The following ARHGAP22 variants were observed in gnomAD, a reference collection of about 807,000 sequenced individuals.
The protein encoded by ARHGAP22 is rho GTPase-activating protein 22.
In ARHGAP22, 48 loss-of-function variants were observed where a neutral mutation model predicts 59.1. The ratio of observed to expected loss-of-function variants is 0.81; its 90% CI spans 0.64 to 1.03. ARHGAP22 has a LOEUF of 1.03. Ranked by LOEUF, ARHGAP22 falls within the 50% of genes least tolerant of loss-of-function variation. The pLI is 0.00. For missense variants in ARHGAP22, 1,015 were observed against 958.7 expected (o/e 1.06, Z -0.78); for synonymous variants, 445 against 416.4 (o/e 1.07, Z -0.84).
At chr10:48,580,803 G>A (rs1174224407) in intron 2 of ARHGAP22, among the ~76,000 whole-genome samples, 1 of 152,130 alleles carries the variant, frequency 6.6e-6, no homozygotes, top group African/African-American at 2.4e-5. Context: ...TGGGCTTGTT[G>A]GCTCAGATTT....
intron 2 of ARHGAP22, among the ~76,000 whole-genome samples, chr10:48,564,555 A>G (rs931702268): frequency 1.3e-5 from 2 of 152,226 alleles, no homozygotes; most frequent in African/African-American, 2.4e-5. Flanking sequence ...AAATTTAAAC[A>G]ACGTTAAAGT....
rs916770898 is a variant in ARHGAP22, at chr10:48,451,384, C to G, written c.989-244G>C. 5 of 713,778 alleles carry G rather than the reference C, an allele frequency of 7.0e-6. No individual in the cohort carries two copies. In the East Asian group the frequency reaches 8.0e-5, roughly 11 times the overall value. The allele number at this position is 713,778 out of a possible 1,614,324, so 44.2% of individuals were successfully genotyped here. A position where few individuals can be genotyped will look rare whatever the true frequency, so the allele number is the denominator to read the frequency against. ...CACAGAGCCGCAAGCAGGGAGGAAG[C>G]ACTGTGCCTGCGCTCACGCCCTCCA... On this transcript the variant is annotated intron_variant, in intron 8 of 9. Coordinates refer to ENST00000249601, the MANE Select transcript of ARHGAP22 (RefSeq NM_021226.4).
the ARHGAP22 span, chr10:48,437,396 T>C: frequency 2.0e-5 from 3 of 152,192 alleles, no homozygotes; most frequent in Admixed American, 6.5e-5. Context: ...TTCTATCAGG[T>C]AGTACTTGTA....
intron 1 of ARHGAP22, among the ~76,000 whole-genome samples, chr10:48,635,500 G>T (rs1397404748): frequency 6.6e-6 from 1 of 152,198 alleles, no homozygotes; most frequent in Non-Finnish European, 1.5e-5. Flanking sequence ...GAAGCCACAG[G>T]GACCCTAAGC....
chr10:48,557,866 G>T (rs1645274095), intron 2 of ARHGAP22, among the ~76,000 whole-genome samples: 1 of 152,210 alleles, frequency 6.6e-6, no homozygotes, highest in African/African-American at 2.4e-5. Flanking sequence ...GGAGCAGAGG[G>T]AGTCTGCTCT....
intron 4 of ARHGAP22, among the ~76,000 whole-genome samples, chr10:48,478,105 G>A (rs2048915686): frequency 6.6e-6 from 1 of 152,102 alleles, no homozygotes. Flanking sequence ...ATACATCAAA[G>A]TCCAACTATG....
intron 4 of ARHGAP22, among the ~76,000 whole-genome samples, chr10:48,462,122 C>T (rs2047191166): frequency 6.6e-6 from 1 of 152,198 alleles, no homozygotes; most frequent in Admixed American, 6.5e-5. Context: ...TGTGTACGCA[C>T]ATGTGTGCAT....
intron 3 of ARHGAP22, among the ~76,000 whole-genome samples, chr10:48,515,915 G>T (rs918555412): frequency 2.0e-5 from 3 of 152,180 alleles, no homozygotes; most frequent in Middle Eastern, 3.4e-3. Flanking sequence ...TCAAAAGGCT[G>T]AGGCAGGAAG....
At chr10:48,483,141 G>A (rs1426271676) in intron 3 of ARHGAP22, among the ~76,000 whole-genome samples, 1 of 151,986 alleles carries the variant, frequency 6.6e-6, no homozygotes, top group Non-Finnish European at 1.5e-5. Flanking sequence ...ATAACATTTT[G>A]TATATATACC....
chr10:48,525,295 G>A (rs1011182183), intron 3 of ARHGAP22, among the ~76,000 whole-genome samples: 5 of 152,182 alleles, frequency 3.3e-5, no homozygotes, highest in African/African-American at 7.2e-5. Flanking sequence ...ATCATCGGCC[G>A]GGCATGGTGG....
chr10:48,560,746 T>C (rs1194002241), intron 2 of ARHGAP22, among the ~76,000 whole-genome samples: 1 of 152,166 alleles, frequency 6.6e-6, no homozygotes, highest in Non-Finnish European at 1.5e-5. Flanking sequence ...TTTTTCTGAA[T>C]CCATGAGATG....
chr10:48,580,932 G>GGA (rs2059074250), intron 2 of ARHGAP22, among the ~76,000 whole-genome samples: 1 of 10,310 alleles, frequency 9.7e-5, no homozygotes. Context: ...ACAATCTAAA[G>GGA]TAAAAAAAAA....
intron 3 of ARHGAP22, among the ~76,000 whole-genome samples, chr10:48,535,699 G>A (rs746864702): frequency 1.1e-4 from 17 of 152,332 alleles, no homozygotes; most frequent in African/African-American, 2.6e-4. Context: ...AAGCTGGTGC[G>A]TTGCCACCAC....
At chr10:48,544,354 C>T (rs532189813) in intron 3 of ARHGAP22, among the ~76,000 whole-genome samples, 54 of 152,272 alleles carry the variant, frequency 3.5e-4, no homozygotes, top group African/African-American at 1.2e-3. Flanking sequence ...AAGTCTGAGG[C>T]TCCCACCCCC....
chr10:48,457,514 C>G (rs1258381076), intron 5 of ARHGAP22, among the ~76,000 whole-genome samples: 1 of 152,182 alleles, frequency 6.6e-6, no homozygotes, highest in Non-Finnish European at 1.5e-5. Flanking sequence ...CTCCCTCCCT[C>G]AAAGGATAGC....
At chr10:48,628,484 G>A (rs970275391) in intron 1 of ARHGAP22, among the ~76,000 whole-genome samples, 2 of 152,070 alleles carry the variant, frequency 1.3e-5, no homozygotes, top group Non-Finnish European at 2.9e-5. Flanking sequence ...TGTTTCCATA[G>A]CAAGGATGTG....
chr10:48,630,882 T>C (rs1289960769), intron 1 of ARHGAP22, among the ~76,000 whole-genome samples: 1 of 152,252 alleles, frequency 6.6e-6, no homozygotes, highest in Admixed American at 6.5e-5. Flanking sequence ...ACATCTAGTT[T>C]CTCACAATTA....
Position 48,446,263 on chromosome 10 carries a change from G to T in ARHGAP22, c.*128C>A, listed in dbSNP as rs2045340569. 2.1e-6 allele frequency: 2 copies of T among 949,736 alleles called. No homozygotes were observed. The highest frequency in any genetic ancestry group is 2.7e-5 in the Admixed American group (1 of 37,346). The allele number at this position is 949,736 out of a possible 1,614,324, so 58.8% of individuals were successfully genotyped here. A position where few individuals can be genotyped will look rare whatever the true frequency, so the allele number is the denominator to read the frequency against. On this transcript the variant is annotated 3_prime_UTR_variant, in exon 10 of 10. Coordinates refer to ENST00000249601, the MANE Select transcript of ARHGAP22 (RefSeq NM_021226.4). ...AAAAGTCCCCACAGTCCCCACAGAG[G>T]TATCAGGATCTCTCTCTCTCCAGCT...
intron 3 of ARHGAP22, among the ~76,000 whole-genome samples, chr10:48,530,685 T>C (rs1333841526): frequency 1.3e-5 from 2 of 152,144 alleles, no homozygotes; most frequent in African/African-American, 4.8e-5. Context: ...ACATCACTAA[T>C]GATCAGGGAA....
Sources: gnomAD v4.1 joint callset for allele counts (sites outside exome capture counted in the v4.1 genomes callset) on GRCh38, gnomAD v4.1.1 for gene constraint, MANE v1.5 for transcripts, NCBI Gene and HGNC (gene_info 2026-07-23, HGNC 2026-07-21) for gene names.